BMP2K: variants seen among roughly 807,000 people sequenced by gnomAD.
The protein encoded by BMP2K is BMP2 inducible kinase.
Under a neutral mutation model 116.0 loss-of-function variants are expected in BMP2K, and 74 were observed. The ratio of observed to expected loss-of-function variants is 0.64; its 90% CI spans 0.53 to 0.77. BMP2K has a LOEUF of 0.77. BMP2K is among the 30% of genes least tolerant of loss of function. BMP2K has a pLI of 0.00. For missense variants in BMP2K, 1,365 were observed against 1,403.6 expected, an observed-to-expected ratio of 0.97 and a Z score of 0.44; for synonymous variants, 486 against 502.5, an observed-to-expected ratio of 0.97 and a Z score of 0.44.
chr4:78,801,431 G>A (rs996052330), intron 1 of BMP2K, among the ~76,000 whole-genome samples: 6 of 151,630 alleles, frequency 4.0e-5, no homozygotes, highest in African/African-American at 9.7e-5. Context: ...AACAGTGTAA[G>A]GCAAAAGTTG....
chr4:78,828,850 CT>C (rs1730009775), intron 2 of BMP2K, among the ~76,000 whole-genome samples: 1 of 152,170 alleles, frequency 6.6e-6, no homozygotes, highest in African/African-American at 2.4e-5. Flanking sequence ...GAGGGTCTTG[CT>C]TTGATGTTGA....
At chr4:78,777,026 T>A (rs1578457313) in intron 1 of BMP2K, among the ~76,000 whole-genome samples, 1 of 152,102 alleles carries the variant, frequency 6.6e-6, no homozygotes, top group Non-Finnish European at 1.5e-5. Context: ...ATTGGGCCAG[T>A]GACTCATTAG....
chr4:78,911,355 A>C lies in BMP2K; in HGVS notation c.2808A>C (p.Pro936=), dbSNP rs12649750. 86,996 of 1,613,566 alleles carry C rather than the reference A, an allele frequency of 0.054. 3,630 individuals are homozygous for C. The highest frequency in any genetic ancestry group is 0.24 in the East Asian group (10,790 of 44,804). Residue 936 remains proline (P), a synonymous_variant, in exon 16 of 16, where the codon CCA becomes CCC. Transcript: ENST00000502613. ...PKSVDVFGST[P]FQPFLTSTSK... is the part of the protein sequence containing the mutation. ...GTGTAGATGTATTTGGCTCCACTCCATTTCAGCCCTTCCTCACATCAACAA... is the reference window on the plus strand; with the variant it reads ...GTGTAGATGTATTTGGCTCCACTCCCTTTCAGCCCTTCCTCACATCAACAA...
chr4:78,800,845 T>G (rs1199670929), intron 1 of BMP2K, among the ~76,000 whole-genome samples: 2 of 152,230 alleles, frequency 1.3e-5, no homozygotes, highest in African/African-American at 4.8e-5. Flanking sequence ...ATTTATTAAG[T>G]ATCAAATGTA....
intron 2 of BMP2K, among the ~76,000 whole-genome samples, chr4:78,832,457 T>C (rs1577908932): frequency 6.6e-6 from 1 of 152,296 alleles, no homozygotes; most frequent in East Asian, 1.9e-4. Context: ...TCTGACTTTT[T>C]AAAATTCTGC....
Position 78,865,819 on chromosome 4 carries a change from G to A in BMP2K, c.1231+99G>A, listed in dbSNP as rs1334221751. 6 of 1,235,898 alleles carry A rather than the reference G, an allele frequency of 4.9e-6. No individual in the cohort carries two copies. In the East Asian group the frequency reaches 1.2e-4, roughly 24 times the overall value. The allele number at this position is 1,235,898 out of a possible 1,614,324, so 76.6% of individuals were successfully genotyped here. Reference sequence around the variant, plus strand: ...CTCAGGTGATCCTTAATATTGTAAAGTAGATAACATAATGCTTTCAGAAAC... The same window carrying A: ...CTCAGGTGATCCTTAATATTGTAAAATAGATAACATAATGCTTTCAGAAAC... On this transcript the variant is annotated intron_variant, in intron 10 of 15. Coordinates refer to ENST00000502613, the MANE Select transcript of BMP2K (RefSeq NM_198892.2).
At chr4:78,843,695 T>C (rs1287181112) in intron 4 of BMP2K, among the ~76,000 whole-genome samples, 1 of 151,958 alleles carries the variant, frequency 6.6e-6, no homozygotes, top group Non-Finnish European at 1.5e-5. Flanking sequence ...GCATCTCGCC[T>C]TAATTTGGAT....
intron 7 of BMP2K, among the ~76,000 whole-genome samples, chr4:78,857,757 T>TGAG (rs2110041511): frequency 6.6e-6 from 1 of 152,234 alleles, no homozygotes; most frequent in Non-Finnish European, 1.5e-5. Flanking sequence ...TTAGAAAGAC[T>TGAG]CAACGGAGAA....
chr4:78,821,904 A>T (rs1384399613), intron 1 of BMP2K, among the ~76,000 whole-genome samples: 4 of 152,216 alleles, frequency 2.6e-5, no homozygotes, highest in Admixed American at 2.6e-4. Context: ...CCAATACATT[A>T]AAAATGATTT....
intron 7 of BMP2K, among the ~76,000 whole-genome samples, chr4:78,857,344 C>T (rs758950024): frequency 5.3e-5 from 8 of 152,028 alleles, no homozygotes; most frequent in Non-Finnish European, 1.2e-4. Flanking sequence ...CTTGTGTTTG[C>T]TTATAAGATA....
chr4:78,818,836 G>A (rs542251350), intron 1 of BMP2K, among the ~76,000 whole-genome samples: 6 of 142,932 alleles, frequency 4.2e-5, no homozygotes, highest in African/African-American at 1.3e-4. Context: ...TTGCTTTGTC[G>A]CCCAGGCTGG....
At chr4:78,830,741 C>G (rs1198174251) in intron 2 of BMP2K, among the ~76,000 whole-genome samples, 1 of 152,228 alleles carries the variant, frequency 6.6e-6, no homozygotes, top group East Asian at 1.9e-4. Flanking sequence ...TAGCTTCAAA[C>G]TATTCTACTG....
chr4:78,821,692 G>A (rs1729625019), intron 1 of BMP2K, among the ~76,000 whole-genome samples: 1 of 152,106 alleles, frequency 6.6e-6, no homozygotes, highest in Non-Finnish European at 1.5e-5. Context: ...ATTTGCCAGT[G>A]AACTACTTAG....
At chr4:78,840,481 T>G (rs1730706491) in intron 3 of BMP2K, among the ~76,000 whole-genome samples, 1 of 152,126 alleles carries the variant, frequency 6.6e-6, no homozygotes, top group Non-Finnish European at 1.5e-5. Context: ...TTTTGCCTAA[T>G]TAGCATTTTA....
Position 78,878,715 on chromosome 4 carries a change from TACTC to T in BMP2K, c.1794-17_1794-14del, listed in dbSNP as rs1732753782. The stretch of plus-strand genomic sequence containing the variant: ...TTTTTCTTTCCATCTTCTTTTTTCT[TACTC>T]AATTATTACTATAGGTCAGTTGCTG... On this transcript the variant is annotated splice_polypyrimidine_tract_variant and intron_variant, in intron 13 of 15. Transcript: ENST00000502613. The T allele has an allele frequency of 2.6e-6, 4 of 1,552,188 alleles. No homozygotes were observed. In the East Asian group the frequency reaches 6.9e-5, roughly 27 times the overall value.
Position 78,847,175 on chromosome 4 carries a change from C to G in BMP2K, c.669-13C>G, listed in dbSNP as rs766609431. ...ATATATATCTCCACTCCATTTCACT[C>G]ATTTACTGCCAGGTATACAACTCTG... is the stretch of plus-strand genomic sequence containing the variant. On this transcript the variant is annotated splice_polypyrimidine_tract_variant and intron_variant, in intron 5 of 15. Coordinates refer to ENST00000502613, the MANE Select transcript of BMP2K (RefSeq NM_198892.2). 8.3e-6 allele frequency: 12 copies of G among 1,446,094 alleles called. No individual in the cohort carries two copies. The highest frequency in any genetic ancestry group is 1.1e-5 in the Non-Finnish European group (12 of 1,083,776). The allele number at this position is 1,446,094 out of a possible 1,614,324, so 89.6% of individuals were successfully genotyped here.
At chr4:78,842,630 T>TG (rs1730815339) in intron 4 of BMP2K, 103 bp downstream of exon 4, 1 of 1,062,746 alleles carries the variant, frequency 9.4e-7, no homozygotes, top group East Asian at 2.7e-5. Flanking sequence ...TTGAGGTTGG[T>TG]CTCTCTCTCC....
At chr4:78,779,472 C>T (rs764583102) in intron 1 of BMP2K, among the ~76,000 whole-genome samples, 81 of 152,178 alleles carry the variant, frequency 5.3e-4, no homozygotes, top group Non-Finnish European at 1.0e-3. Flanking sequence ...AAAAACATGG[C>T]ACTAAATAGA....
chr4:78,868,556 C>CTGT (rs1261872326), intron 10 of BMP2K, among the ~76,000 whole-genome samples: 1 of 152,172 alleles, frequency 6.6e-6, no homozygotes, highest in Non-Finnish European at 1.5e-5. Context: ...ACCCAAAAGT[C>CTGT]CACAGTCCAA....
Sources: gnomAD v4.1 joint callset for allele counts (sites outside exome capture counted in the v4.1 genomes callset) on GRCh38, gnomAD v4.1.1 for gene constraint, MANE v1.5 for transcripts, NCBI Gene and HGNC (gene_info 2026-07-23, HGNC 2026-07-21) for gene names.